Variants in CNTNAP3B observed in about 807,000 individuals in gnomAD.
CNTNAP3B encodes contactin-associated protein-like 3B.
Under a neutral mutation model 108.9 loss-of-function variants are expected in CNTNAP3B, and 25 were observed. That is an observed-to-expected ratio of 0.23 (90% CI 0.17 to 0.32). The LOEUF (loss-of-function observed/expected upper bound fraction) is 0.32, where lower values mean the gene tolerates loss of function less well. Among genes scored for constraint, CNTNAP3B ranks in the 10% least tolerant of loss-of-function variants. The pLI is 1.00. For missense variants in CNTNAP3B, 252 were observed against 1,210.4 expected, an observed-to-expected ratio of 0.21 and a Z score of 11.75; for synonymous variants, 103 against 473.4, an observed-to-expected ratio of 0.22 and a Z score of 10.16.
At chr9:42,099,056 C>A in intron 2 of CNTNAP3B, among the ~76,000 whole-genome samples, 2 of 138,512 alleles carry the variant, frequency 1.4e-5, no homozygotes, top group South Asian at 4.6e-4. Flanking sequence ...AAATCAGTAC[C>A]TGAGCTTTTT....
intron 18 of CNTNAP3B, among the ~76,000 whole-genome samples, chr9:41,919,568 A>G (rs1823612753): frequency 6.6e-6 from 1 of 152,310 alleles, no homozygotes; most frequent in Non-Finnish European, 1.5e-5. Flanking sequence ...TCTAGTTAGT[A>G]TGCTTGTTTT....
At chr9:41,939,527 A>C (rs1824268952) in intron 13 of CNTNAP3B, among the ~76,000 whole-genome samples, 1 of 152,416 alleles carries the variant, frequency 6.6e-6, no homozygotes. Flanking sequence ...AAAAAAAGGC[A>C]ATCTGGGAAA....
intron 13 of CNTNAP3B, among the ~76,000 whole-genome samples, chr9:41,947,679 G>A (rs1279508948): frequency 1.3e-5 from 2 of 151,902 alleles, no homozygotes; most frequent in East Asian, 3.9e-4. Context: ...AGATAACAAA[G>A]AGAAGAGCAG....
intron 10 of CNTNAP3B, among the ~76,000 whole-genome samples, chr9:41,967,917 A>C (rs1825329285): frequency 6.6e-6 from 1 of 152,250 alleles, no homozygotes; most frequent in Admixed American, 6.5e-5. Context: ...TGTGGCTCAC[A>C]CATTCATGCT....
At chr9:42,118,778 C>G (rs1269427957) in intron 1 of CNTNAP3B, among the ~76,000 whole-genome samples, 1 of 112,508 alleles carries the variant, frequency 8.9e-6, no homozygotes, top group Non-Finnish European at 1.8e-5. Context: ...TAGAAAACCC[C>G]ATCGTCTCAG....
intron 4 of CNTNAP3B, among the ~76,000 whole-genome samples, chr9:42,001,378 C>A (rs955851288): frequency 1.2e-4 from 15 of 130,362 alleles, no homozygotes; most frequent in Non-Finnish European, 1.9e-4. Flanking sequence ...TGTGTCACTG[C>A]ACCCCAGCCT....
chr9:42,124,049 C>A (rs1169970348), intron 1 of CNTNAP3B, among the ~76,000 whole-genome samples: 3 of 136,002 alleles, frequency 2.2e-5, no homozygotes, highest in Admixed American at 7.4e-5. Flanking sequence ...ACATACTAGA[C>A]CACGTCTTCT....
At chr9:41,966,108 A>C (rs1467034337) in intron 10 of CNTNAP3B, among the ~76,000 whole-genome samples, 4 of 152,292 alleles carry the variant, frequency 2.6e-5, no homozygotes, top group Non-Finnish European at 4.4e-5. Context: ...CTGGAGCGAC[A>C]GGCAAGGTTG....
intron 7 of CNTNAP3B, chr9:41,994,132 A>T: frequency 8.4e-6 from 1 of 118,506 alleles, no homozygotes; most frequent in Non-Finnish European, 1.7e-5. Flanking sequence ...ATAAGGCCCA[A>T]CTCACTCTTC....
intron 2 of CNTNAP3B, among the ~76,000 whole-genome samples, chr9:42,090,510 T>C (rs1395208498): frequency 8.1e-6 from 1 of 123,468 alleles, no homozygotes; most frequent in African/African-American, 3.3e-5. Flanking sequence ...AAGAATTTCA[T>C]ATTTTATATA....
rs1262965469 is a variant in CNTNAP3B at position 42,076,134 on chromosome 9, G to A, written c.390+735C>T. ...TGTAGTCTATGAAAAACTAAATCTG[G>A]CCAGGTGCGGTGGCTCACTCCTGTA... is the stretch of plus-strand genomic sequence containing the variant. On this transcript the variant is annotated intron_variant, in intron 3 of 23. Coordinates refer to ENST00000377561, the MANE Select transcript of CNTNAP3B (RefSeq NM_001201380.3). 6.0e-5 allele frequency among the ~76,000 whole-genome samples: 3 copies of A among 49,920 alleles called. No homozygotes were observed. The East Asian group carries it at 2.6e-3, about 43-fold the overall frequency. 32.7% of individuals were successfully genotyped at this position (49,920 alleles called of 152,430 possible). A position where few individuals can be genotyped will look rare whatever the true frequency, so the allele number is the denominator to read the frequency against.
Position 41,983,262 on chromosome 9 carries a change from AT to A in CNTNAP3B, c.1477+2905del, listed in dbSNP as rs1825667121. ...AAATGGGAATTATATATGAATATAC[AT>A]TGTCAAAGACTATAATGTTAGAGAT... On this transcript the variant is annotated intron_variant, in intron 9 of 23. Coordinates refer to ENST00000377561, the MANE Select transcript of CNTNAP3B (RefSeq NM_001201380.3). 1.6e-5 allele frequency: 2 copies of A among 128,560 alleles called. 1 individual carries two copies. The allele number at this position is 128,560 out of a possible 1,614,324, so 8.0% of individuals were successfully genotyped here.
At chr9:42,023,632 C>T (rs1262566447) in intron 3 of CNTNAP3B, among the ~76,000 whole-genome samples, 1 of 108,330 alleles carries the variant, frequency 9.2e-6, no homozygotes, top group Admixed American at 9.5e-5. Context: ...GTCCCAAATG[C>T]TTGAGTTCAG....
rs1478094790 is a variant in CNTNAP3B at position 42,047,285 on chromosome 9, G to A, written c.390+29584C>T. 1.6e-4 allele frequency among the ~76,000 whole-genome samples: 19 copies of A among 115,666 alleles called. 1 individual carries two copies. Among genetic ancestry groups the A allele is most frequent in the Admixed American group, 5.4e-4 (6 of 11,078 alleles). The allele number at this position is 115,666 out of a possible 152,430, so 75.9% of individuals were successfully genotyped here. On this transcript the variant is annotated intron_variant, in intron 3 of 23. Transcript: ENST00000377561. ...AGACTTCTCCGTATTATTTGGCATC[G>A]CTGCAGGGTTCAGACTTTGAATGAA...
intron 3 of CNTNAP3B, among the ~76,000 whole-genome samples, chr9:42,016,962 A>G (rs1467660548): frequency 6.6e-6 from 1 of 151,884 alleles, no homozygotes; most frequent in Non-Finnish European, 1.5e-5. Context: ...TCTTATTGAA[A>G]GACAGTCACT....
intron 14 of CNTNAP3B, among the ~76,000 whole-genome samples, chr9:41,936,815 A>G (rs1236403918): frequency 2.0e-5 from 3 of 152,288 alleles, no homozygotes; most frequent in Non-Finnish European, 2.9e-5. Flanking sequence ...AGAGTGTCTC[A>G]TAAATCTGTA....
At chr9:42,004,735 C>T (rs77711665) in intron 4 of CNTNAP3B, among the ~76,000 whole-genome samples, 7,602 of 115,558 alleles carry the variant, frequency 0.066, 1,402 homozygotes, top group East Asian at 0.39. Flanking sequence ...TCTCTAAAGA[C>T]TAGTGACGAT....
chr9:41,966,948 T>C (rs1215736758), intron 10 of CNTNAP3B, among the ~76,000 whole-genome samples: 1 of 150,346 alleles, frequency 6.7e-6, no homozygotes, highest in African/African-American at 2.5e-5. Flanking sequence ...GCCTGGGCGA[T>C]AGAGCGAGAC....
At chr9:42,023,987 T>C (rs1826368631) in intron 3 of CNTNAP3B, among the ~76,000 whole-genome samples, 1 of 151,628 alleles carries the variant, frequency 6.6e-6, no homozygotes, top group Non-Finnish European at 1.5e-5. Flanking sequence ...AATACTTAGT[T>C]GGCATAGGTA....
Sources: gnomAD v4.1 joint callset for allele counts (sites outside exome capture counted in the v4.1 genomes callset) on GRCh38, gnomAD v4.1.1 for gene constraint, MANE v1.5 for transcripts, NCBI Gene and HGNC (gene_info 2026-07-23, HGNC 2026-07-21) for gene names.